Variants in GPAT3 observed in about 807,000 individuals in gnomAD.
GPAT3 encodes glycerol-3-phosphate acyltransferase 3, also known as 1-AGP acyltransferase 9.
GPAT3 carries 53 observed loss-of-function variants against 58.8 expected under a neutral mutation model. The ratio of observed to expected loss-of-function variants is 0.90; its 90% CI spans 0.72 to 1.13. GPAT3 has a LOEUF of 1.13. Among genes scored for constraint, GPAT3 ranks in the 50% most tolerant of loss-of-function variants. GPAT3 has a pLI of 0.00. For missense variants in GPAT3, 511 were observed against 527.6 expected, an observed-to-expected ratio of 0.97 and a Z score of 0.31; for synonymous variants, 197 against 187.4, an observed-to-expected ratio of 1.05 and a Z score of -0.42.
At chr4:83,587,689 G>A (rs1268293747) in intron 4 of GPAT3, among the ~76,000 whole-genome samples, 2 of 152,204 alleles carry the variant, frequency 1.3e-5, no homozygotes, top group Non-Finnish European at 2.9e-5. Context: ...GCCTCCCAAA[G>A]TGCTGGGATT....
chr4:83,544,467 A>G, intron 1 of GPAT3, 69 bp from the exon 2 acceptor site: 1 of 1,473,772 alleles, frequency 6.8e-7, no homozygotes. Flanking sequence ...CTTCTGTATA[A>G]TCATGGTTGA....
At chr4:83,538,370 CT>C (rs1436446529) in intron 1 of GPAT3, among the ~76,000 whole-genome samples, 1 of 152,170 alleles carries the variant, frequency 6.6e-6, no homozygotes, top group Non-Finnish European at 1.5e-5. Flanking sequence ...TTCTTATTGA[CT>C]TTACATTCTG....
chr4:83,562,235 T>TAA (rs368482713), intron 2 of GPAT3, among the ~76,000 whole-genome samples: 4 of 74,612 alleles, frequency 5.4e-5, no homozygotes, highest in African/African-American at 2.1e-4. Context: ...AATATATATA[T>TAA]AATATATATA....
chr4:83,547,839 C>T (rs1724601066), intron 2 of GPAT3, among the ~76,000 whole-genome samples: 1 of 147,260 alleles, frequency 6.8e-6, no homozygotes. Context: ...CTTTCACCTT[C>T]CTCTTCTTCT....
intron 11 of GPAT3, among the ~76,000 whole-genome samples, chr4:83,599,988 G>A (rs986020110): frequency 1.3e-5 from 2 of 152,162 alleles, no homozygotes; most frequent in African/African-American, 4.8e-5. Context: ...TAAAAGTTAT[G>A]TGAATGTGGT....
At chr4:83,593,830 A>G (rs1446547556) in intron 6 of GPAT3, among the ~76,000 whole-genome samples, 1 of 152,172 alleles carries the variant, frequency 6.6e-6, no homozygotes, top group Non-Finnish European at 1.5e-5. Context: ...AATTGGGTTC[A>G]CTGGCTTCAG....
At chr4:83,540,399 T>C (rs1464059625) in intron 1 of GPAT3, among the ~76,000 whole-genome samples, 2 of 152,190 alleles carry the variant, frequency 1.3e-5, no homozygotes, top group African/African-American at 4.8e-5. Flanking sequence ...ACAGATATGT[T>C]CTGAGATACC....
rs144766747 is a variant in GPAT3 at position 83,539,877 on chromosome 4, G to A, written c.141+3114G>A. Among the ~76,000 whole-genome samples the A allele has an allele frequency of 2.4e-3, 364 of 152,298 alleles. 1 individual carries two copies. The highest frequency in any genetic ancestry group is 8.4e-3 in the African/African-American group (348 of 41,556). ...TACAAATTATGAAGAGTAAAACTTG[G>A]CCAGGTGCGGTGGCTCACGCCTGTA... On this transcript the variant is annotated intron_variant, in intron 1 of 11. Coordinates refer to ENST00000264409, the MANE Select transcript of GPAT3 (RefSeq NM_032717.5).
At chr4:83,549,444 CGTGTGT>C (rs142294690) in intron 2 of GPAT3, among the ~76,000 whole-genome samples, 3 of 145,748 alleles carry the variant, frequency 2.1e-5, no homozygotes, top group African/African-American at 5.0e-5. Context: ...TTTTATTTTG[CGTGTGT>C]GTGTGTGTGT....
chr4:83,586,110 G>A (rs1475361121), intron 3 of GPAT3, among the ~76,000 whole-genome samples: 1 of 152,084 alleles, frequency 6.6e-6, no homozygotes, highest in African/African-American at 2.4e-5. Flanking sequence ...AGAGTCTTGG[G>A]GATGATTAAA....
intron 2 of GPAT3, among the ~76,000 whole-genome samples, chr4:83,563,404 T>C (rs965790216): frequency 1.2e-4 from 18 of 152,102 alleles, no homozygotes; most frequent in African/African-American, 4.1e-4. Context: ...TATCTCTCCA[T>C]TGTTTCTTTA....
chr4:83,576,434 T>TTATG (rs1725818340), intron 2 of GPAT3, among the ~76,000 whole-genome samples: 1 of 150,532 alleles, frequency 6.6e-6, no homozygotes, highest in Non-Finnish European at 1.5e-5. Context: ...ATTTATTTAT[T>TTATG]TATTTATTTA....
chr4:83,535,759 G>C, upstream of GPAT3: 1 of 985,442 alleles, frequency 1.0e-6, no homozygotes, highest in Non-Finnish European at 1.2e-6. Context: ...GTGGAAGCCA[G>C]AAGCGGCGTA....
At position 83,581,596 on chromosome 4, in the gene GPAT3, A is replaced by T; in HGVS notation, c.243A>T (p.Lys81Asn). The stretch of plus-strand genomic sequence containing the variant: ...AAAGAGATGAGTCACCCATGGAAAA[A>T]GGGCTCTCTGGTCTACGAGGAAGGG... ...IIQRDESPMEKGLSGLRGRDF... is the reference protein window; with the variant it reads ...IIQRDESPMENGLSGLRGRDF... Residue 81 changes from lysine (K) to asparagine (N), a missense_variant, in exon 3 of 12, where the codon AAA (lysine) becomes AAT (asparagine). Physicochemically the swap from Lys to Asn is moderately conservative, Grantham distance 94 (BLOSUM62 0). Transcript: ENST00000264409. 6.2e-7 allele frequency: 1 copy of T among 1,613,738 alleles called. No homozygotes were observed. The highest frequency in any genetic ancestry group is 8.5e-7 in the Non-Finnish European group (1 of 1,179,758).
rs921730755 is a variant in GPAT3, at chr4:83,536,168, C to T, written c.-455C>T. ...CGCCGGCGACCGGTGTGCCAAAGTGCGGTGCTCCCGCAGGGAACCTGGCTC... is the reference window on the plus strand; with the variant it reads ...CGCCGGCGACCGGTGTGCCAAAGTGTGGTGCTCCCGCAGGGAACCTGGCTC... On this transcript the variant is annotated 5_prime_UTR_variant, in exon 1 of 12. Coordinates refer to ENST00000264409, the MANE Select transcript of GPAT3 (RefSeq NM_032717.5). 8.1e-6 allele frequency: 8 copies of T among 986,004 alleles called. No homozygotes were observed. In the Admixed American group the frequency reaches 1.8e-4, roughly 23 times the overall value. The allele number at this position is 986,004 out of a possible 1,614,324, so 61.1% of individuals were successfully genotyped here. A position where few individuals can be genotyped will look rare whatever the true frequency, so the allele number is the denominator to read the frequency against.
In GPAT3 at chr4:83,581,868, G is replaced by T; in HGVS notation, c.479+36G>T. On this transcript the variant is annotated intron_variant, in intron 3 of 11. Transcript: ENST00000264409. ...TGCCTGGTAATTTGATGATACGCTT[G>T]ACTCAGCTTTCTTTTTGAATCATGT... is the stretch of plus-strand genomic sequence containing the variant. The T allele has an allele frequency of 1.9e-6, 3 of 1,571,996 alleles. No homozygotes were observed. In the South Asian group the frequency reaches 3.5e-5, roughly 19 times the overall value.
In GPAT3 at chr4:83,547,494, T is replaced by C. The variant is rs376254992; in HGVS notation, c.208+2892T>C. Among the ~76,000 whole-genome samples the C allele has an allele frequency of 4.4e-3, 659 of 151,476 alleles. 6 individuals carry two copies. Among genetic ancestry groups the C allele is most frequent in the African/African-American group, 0.011 (447 of 40,982 alleles). ...GTCTCGATCTCCTGACCTTGTGATC[T>C]GCCCACCTCGGCCTCCCAAAGTGCT... On this transcript the variant is annotated intron_variant, in intron 2 of 11. Coordinates refer to ENST00000264409, the MANE Select transcript of GPAT3 (RefSeq NM_032717.5).
intron 2 of GPAT3, among the ~76,000 whole-genome samples, chr4:83,563,681 A>G (rs889079417): frequency 2.0e-5 from 3 of 151,790 alleles, no homozygotes; most frequent in African/African-American, 7.3e-5. Flanking sequence ...GGGTTTTGCT[A>G]TGTTGGCCAG....
chr4:83,578,960 C>CTTTCTTTCTT (rs1725938537), intron 2 of GPAT3, among the ~76,000 whole-genome samples: 1 of 85,650 alleles, frequency 1.2e-5, no homozygotes, highest in African/African-American at 5.0e-5. Flanking sequence ...TTCTTTCTTT[C>CTTTCTTTCTT]TTTCTTTCTT....
Sources: allele counts gnomAD v4.1 joint callset (sites outside exome capture counted in the v4.1 genomes callset), GRCh38; gene constraint gnomAD v4.1.1; transcripts MANE v1.5; gene names NCBI Gene and HGNC (gene_info 2026-07-23, HGNC 2026-07-21).